FDFT1: variants seen among roughly 807,000 people sequenced by gnomAD.
FDFT1 encodes farnesyl-diphosphate farnesyltransferase 1, also known as squalene synthase.
Under a neutral mutation model 46.8 loss-of-function variants are expected in FDFT1, and 68 were observed. The ratio of observed to expected loss-of-function variants is 1.45; its 90% CI spans 1.19 to 1.78. The LOEUF (loss-of-function observed/expected upper bound fraction) is 1.78. FDFT1 is among the 40% of genes most tolerant of loss of function. The pLI is 0.00. For synonymous variants in FDFT1, 351 were observed against 185.1 expected (o/e 1.90, Z -7.28); for missense variants, 928 against 524.4 (o/e 1.77, Z -7.52).
At chr8:11,805,603 G>A (rs770992499) in intron 1 of FDFT1, among the ~76,000 whole-genome samples, 11 of 152,162 alleles carry the variant, frequency 7.2e-5, no homozygotes, top group Non-Finnish European at 1.0e-4. Flanking sequence ...ATGTATGTAT[G>A]GTAACGATTT....
At chr8:11,797,638 C>CAAAAAAAAAAAA (rs34350077), upstream of FDFT1, among the ~76,000 whole-genome samples, 3 of 75,498 alleles carry the variant, frequency 4.0e-5, no homozygotes, top group Middle Eastern at 0.012. Flanking sequence ...CACACACACT[C>CAAAAAAAAAAAA]AAAAAAAAAA....
chr8:11,833,730 C>T (rs929015075), intron 7 of FDFT1, among the ~76,000 whole-genome samples: 23 of 152,132 alleles, frequency 1.5e-4, no homozygotes, highest in Admixed American at 1.3e-3. Flanking sequence ...ATGTGACGGC[C>T]GAGTTGAGGA....
intron 3 of FDFT1, among the ~76,000 whole-genome samples, chr8:11,811,461 C>T (rs961292090): frequency 3.9e-5 from 6 of 152,054 alleles, no homozygotes; most frequent in African/African-American, 7.2e-5. Flanking sequence ...GTCAAGGCAG[C>T]CCTATCCCCT....
rs544598287 is a variant in FDFT1, at chr8:11,808,303, G to C, written c.100-491G>C. ...CGGAAGTGCGCTGGGTTCCCTTAGC[G>C]GCCAGTGGGTTCTGGTGAGAAGGGC... On this transcript the variant is annotated intron_variant, in intron 1 of 7. Coordinates refer to ENST00000220584, the MANE Select transcript of FDFT1 (RefSeq NM_004462.5). 21 of 1,226,516 alleles carry C rather than the reference G, an allele frequency of 1.7e-5. No individual in the cohort carries two copies. The African/African-American group carries it at 3.3e-4, about 19-fold the overall frequency. 76.0% of individuals were successfully genotyped at this position (1,226,516 alleles called of 1,614,324 possible). A position where few individuals can be genotyped will look rare whatever the true frequency, so the allele number is the denominator to read the frequency against.
Position 11,838,656 on chromosome 8 carries a change from TTTTTTC to T in FDFT1, c.*51_*56del, listed in dbSNP as rs774946374. 6.9e-7 allele frequency: 1 copy of T among 1,441,682 alleles called. No individual in the cohort carries two copies. Among genetic ancestry groups the T allele is most frequent in the South Asian group, 1.1e-5 (1 of 87,408 alleles). The allele number at this position is 1,441,682 out of a possible 1,614,324, so 89.3% of individuals were successfully genotyped here. On this transcript the variant is annotated 3_prime_UTR_variant, in exon 8 of 8. Transcript: ENST00000220584. ...AAGTCCACCATAAAGTGGATTTACT[TTTTTTC>T]TTTAAGGATGGATGTTGTGTTCTCT...
chr8:11,800,860 GTT>G (rs1340425473), upstream of FDFT1, among the ~76,000 whole-genome samples: 2 of 152,184 alleles, frequency 1.3e-5, no homozygotes, highest in Non-Finnish European at 2.9e-5. Context: ...TGGAAACTAA[GTT>G]TTTAAGATTT....
intron 5 of FDFT1, among the ~76,000 whole-genome samples, chr8:11,828,115 C>T (rs902203346): frequency 4.1e-4 from 62 of 151,098 alleles, no homozygotes; most frequent in African/African-American, 1.4e-3. Flanking sequence ...TGTGAGACTC[C>T]ATTTAAAAAA....
intron 5 of FDFT1, among the ~76,000 whole-genome samples, chr8:11,829,453 C>G (rs919781866): frequency 6.6e-6 from 1 of 152,220 alleles, no homozygotes; most frequent in East Asian, 1.9e-4. Flanking sequence ...ATAGACTCAG[C>G]TCATTTCCCA....
At chr8:11,810,870 G>T (rs896249459) in intron 3 of FDFT1, among the ~76,000 whole-genome samples, 7 of 148,138 alleles carry the variant, frequency 4.7e-5, no homozygotes, top group Non-Finnish European at 1.0e-4. Context: ...GAGCTAAGTG[G>T]ACAGAGAGTC....
At chr8:11,809,488 C>A (rs1045673634) in intron 2 of FDFT1, 179 bp from the exon 3 acceptor site, 3 of 1,333,382 alleles carry the variant, frequency 2.2e-6, no homozygotes, top group South Asian at 2.0e-5. Context: ...TCATTACTCT[C>A]ATGTAAGGAA....
chr8:11,823,960 G>C (rs1809609924), intron 4 of FDFT1, among the ~76,000 whole-genome samples: 1 of 152,050 alleles, frequency 6.6e-6, no homozygotes. Context: ...TGCCTAGGCT[G>C]GTCTTGAGCT....
At chr8:11,806,727 G>C (rs943124390) in intron 1 of FDFT1, among the ~76,000 whole-genome samples, 88 of 152,172 alleles carry the variant, frequency 5.8e-4, no homozygotes, top group African/African-American at 2.1e-3. Flanking sequence ...CTGCTCTGGA[G>C]CTCAGTCCAG....
At chr8:11,832,117 G>C (rs1255375386) in intron 7 of FDFT1, among the ~76,000 whole-genome samples, 1 of 152,068 alleles carries the variant, frequency 6.6e-6, no homozygotes, top group Non-Finnish European at 1.5e-5. Flanking sequence ...AATCACAGTA[G>C]GGAATTTAGG....
At chr8:11,829,246 CTAT>C (rs1420873618) in intron 5 of FDFT1, among the ~76,000 whole-genome samples, 2 of 152,144 alleles carry the variant, frequency 1.3e-5, no homozygotes, top group African/African-American at 4.8e-5. Flanking sequence ...ATTTTTAAGT[CTAT>C]TATTCAGTGG....
rs1040657864 is a variant in FDFT1, at chr8:11,832,635, T to A, written c.1032+965T>A. On this transcript the variant is annotated intron_variant, in intron 7 of 7. Transcript: ENST00000220584. Reference sequence around the variant, plus strand: ...TAATCTCTAGGCCCTAGAGCAGTGGTTTGTAAATGGAGGTGATTTGCTCCC... The same window carrying A: ...TAATCTCTAGGCCCTAGAGCAGTGGATTGTAAATGGAGGTGATTTGCTCCC... Among the ~76,000 whole-genome samples, 3 of 146,694 alleles carry A rather than the reference T, an allele frequency of 2.0e-5. No individual in the cohort carries two copies. In the Admixed American group the frequency reaches 2.1e-4, roughly 10 times the overall value.
At chr8:11,812,541 G>A (rs1807874076) in intron 3 of FDFT1, among the ~76,000 whole-genome samples, 1 of 152,216 alleles carries the variant, frequency 6.6e-6, no homozygotes, top group Non-Finnish European at 1.5e-5. Context: ...ATAAAACTCT[G>A]AGGGACTAAG....
At chr8:11,808,529 C>A in intron 1 of FDFT1, 1 of 1,334,144 alleles carries the variant, frequency 7.5e-7, no homozygotes, top group Non-Finnish European at 9.5e-7. Context: ...TGGCCGCAGC[C>A]GCCTGCGGCA....
At chr8:11,834,238 C>A (rs886302457) in intron 7 of FDFT1, among the ~76,000 whole-genome samples, 14 of 152,324 alleles carry the variant, frequency 9.2e-5, no homozygotes, top group Non-Finnish European at 7.3e-5. Context: ...AGCCCCAGGT[C>A]TTCACGAGCA....
intron 3 of FDFT1, among the ~76,000 whole-genome samples, chr8:11,819,899 G>GT (rs1309405156): frequency 6.6e-6 from 1 of 152,114 alleles, no homozygotes; most frequent in Non-Finnish European, 1.5e-5. Context: ...CTGGTGAGGA[G>GT]TTACGTTCCT....
Sources: allele counts gnomAD v4.1 joint callset (sites outside exome capture counted in the v4.1 genomes callset), GRCh38; gene constraint gnomAD v4.1.1; transcripts MANE v1.5; gene names NCBI Gene and HGNC (gene_info 2026-07-23, HGNC 2026-07-21).